TSPEAR: variants seen among roughly 807,000 people sequenced by gnomAD.
TSPEAR encodes thrombospondin-type laminin G domain and EAR repeat-containing protein.
TSPEAR carries 69 observed loss-of-function variants against 71.6 expected under a neutral mutation model. The observed-to-expected ratio is 0.96, with a 90% CI of 0.79 to 1.18. TSPEAR has a LOEUF of 1.18. Ranked by LOEUF, TSPEAR falls within the 50% of genes most tolerant of loss-of-function variation. The pLI is 0.00. For missense variants in TSPEAR, 971 were observed against 894.9 expected (o/e 1.09, Z -1.09); for synonymous variants, 402 against 387.2 (o/e 1.04, Z -0.45).
At chr21:44,575,237 A>G (rs1157988514) in intron 1 of TSPEAR, 3 of 592,324 alleles carry the variant, frequency 5.1e-6, no homozygotes, top group Non-Finnish European at 9.2e-6. Flanking sequence ...CCTCCCCTCC[A>G]TATCTCCCAC....
chr21:44,647,031 T>C (rs782307682), intron 1 of TSPEAR: 12 of 1,613,054 alleles, frequency 7.4e-6, no homozygotes, highest in East Asian at 2.2e-5. Context: ...GCTGCGTGCC[T>C]GTCTGCTGCA....
chr21:44,627,582 G>C lies in TSPEAR; in HGVS notation c.83-59577C>G, dbSNP rs782791378. 3 of 1,613,268 alleles carry C rather than the reference G, an allele frequency of 1.9e-6. No individual in the cohort carries two copies. The highest frequency in any genetic ancestry group is 1.7e-6 in the Non-Finnish European group (2 of 1,179,808). On this transcript the variant is annotated intron_variant, in intron 1 of 11. Coordinates refer to ENST00000323084, the MANE Select transcript of TSPEAR (RefSeq NM_144991.3). ...CTTGCTGTGCCTCTTCCTCCTGCCA[G>C]CCGGCCTGCTGTGTGCCCGTCTGCT...
At chr21:44,689,460 C>T (rs903849549) in intron 1 of TSPEAR, among the ~76,000 whole-genome samples, 1 of 150,932 alleles carries the variant, frequency 6.6e-6, no homozygotes, top group African/African-American at 2.4e-5. Flanking sequence ...TGAGATCATG[C>T]CACTGCACTC....
chr21:44,580,634 T>A (rs1601443059), intron 1 of TSPEAR: 1 of 1,529,798 alleles, frequency 6.5e-7, no homozygotes, highest in East Asian at 2.3e-5. Flanking sequence ...TGAGTGAGTG[T>A]GTGAGTGAGT....
chr21:44,526,373 C>T (rs1326783192), intron 7 of TSPEAR, among the ~76,000 whole-genome samples: 8 of 152,262 alleles, frequency 5.3e-5, no homozygotes, highest in African/African-American at 7.2e-5. Flanking sequence ...CATGAACCTA[C>T]GTACTTGCTT....
At chr21:44,527,255 G>C (rs1467890412) in intron 7 of TSPEAR, 37 bp downstream of exon 7, 1 of 1,610,658 alleles carries the variant, frequency 6.2e-7, no homozygotes, top group African/African-American at 1.3e-5. Context: ...CTTTCCAAGA[G>C]AAAGGGGATG....
chr21:44,504,240 G>C (rs2052133196), intron 11 of TSPEAR, among the ~76,000 whole-genome samples: 1 of 144,158 alleles, frequency 6.9e-6, no homozygotes, highest in African/African-American at 2.6e-5. Flanking sequence ...TGAGCCCTCG[G>C]GGGGTAGCTG....
chr21:44,562,564 C>T (rs2053652147), intron 2 of TSPEAR, among the ~76,000 whole-genome samples: 1 of 152,050 alleles, frequency 6.6e-6, no homozygotes, highest in Non-Finnish European at 1.5e-5. Context: ...CGCAAACAGA[C>T]ATATCATAGT....
intron 1 of TSPEAR, among the ~76,000 whole-genome samples, chr21:44,592,818 T>C (rs366534): frequency 0.11 from 17,131 of 151,718 alleles, 1,489 homozygotes; most frequent in African/African-American, 0.23. Flanking sequence ...GGACACAGAG[T>C]CCCTCTGCAG....
intron 7 of TSPEAR, among the ~76,000 whole-genome samples, chr21:44,526,867 C>G (rs1467038618): frequency 1.3e-5 from 2 of 152,238 alleles, no homozygotes; most frequent in African/African-American, 4.8e-5. Flanking sequence ...ACCCATGGCT[C>G]CCCTGAGCCT....
At chr21:44,531,267 C>G (rs1036721246) in intron 3 of TSPEAR, 134 bp from the exon 4 acceptor site, 2 of 680,784 alleles carry the variant, frequency 2.9e-6, no homozygotes, top group Non-Finnish European at 5.0e-6. Context: ...GGATGGCACA[C>G]AGGGCTGATC....
intron 1 of TSPEAR, among the ~76,000 whole-genome samples, chr21:44,684,275 C>T (rs782586370): frequency 1.3e-5 from 2 of 152,204 alleles, no homozygotes; most frequent in African/African-American, 2.4e-5. Context: ...GTGGTTCACA[C>T]CTCTAATCCC....
At chr21:44,526,718 A>C (rs2052863176) in intron 7 of TSPEAR, among the ~76,000 whole-genome samples, 1 of 152,182 alleles carries the variant, frequency 6.6e-6, no homozygotes, top group Admixed American at 6.5e-5. Context: ...GGCTGTGTAG[A>C]GTCCAGGGAG....
intron 1 of TSPEAR, chr21:44,637,863 C>T (rs1983740452): frequency 1.3e-6 from 2 of 1,531,796 alleles, no homozygotes; most frequent in African/African-American, 2.7e-5. Flanking sequence ...TGCTGTGTGC[C>T]TGTCTGCTCT....
Position 44,675,925 on chromosome 21 carries a change from G to A in TSPEAR, c.82+35508C>T, listed in dbSNP as rs1332702282. 2 of 789,534 alleles carry A rather than the reference G, an allele frequency of 2.5e-6. 1 individual carries two copies. The highest frequency in any genetic ancestry group is 3.4e-5 in the African/African-American group (2 of 59,238). The allele number at this position is 789,534 out of a possible 1,614,324, so 48.9% of individuals were successfully genotyped here. A position where few individuals can be genotyped will look rare whatever the true frequency, so the allele number is the denominator to read the frequency against. ...CTACGGCGCTGGCATATGCTGTCAG[G>A]ATTTCCATTATCTGTTTCGTTTCTA... is the stretch of plus-strand genomic sequence containing the variant. On this transcript the variant is annotated intron_variant, in intron 1 of 11. Coordinates refer to ENST00000323084, the MANE Select transcript of TSPEAR (RefSeq NM_144991.3).
At chr21:44,564,628 A>T (rs1481528411) in intron 2 of TSPEAR, among the ~76,000 whole-genome samples, 1 of 152,208 alleles carries the variant, frequency 6.6e-6, no homozygotes, top group Non-Finnish European at 1.5e-5. Context: ...GCACCAAAAT[A>T]CATGAAGCAA....
intron 8 of TSPEAR, among the ~76,000 whole-genome samples, chr21:44,524,212 CCAT>C (rs2052799156): frequency 1.3e-5 from 2 of 149,706 alleles, no homozygotes; most frequent in South Asian, 4.3e-4. Context: ...GGTAGTCACT[CCAT>C]CAGTCAGTCA....
chr21:44,529,482 A>T (rs1259495119), intron 5 of TSPEAR, among the ~76,000 whole-genome samples: 15 of 152,224 alleles, frequency 9.9e-5, no homozygotes, highest in Admixed American at 7.8e-4. Context: ...GATGTCAGAT[A>T]GCTCTGGACA....
intron 1 of TSPEAR, among the ~76,000 whole-genome samples, chr21:44,708,886 G>A (rs917025820): frequency 6.6e-6 from 1 of 152,230 alleles, no homozygotes; most frequent in African/African-American, 2.4e-5. Flanking sequence ...GTGGGGGCAC[G>A]GCCTTTCCTG....
Sources: allele counts gnomAD v4.1 joint callset (sites outside exome capture counted in the v4.1 genomes callset), GRCh38; gene constraint gnomAD v4.1.1; transcripts MANE v1.5; gene names NCBI Gene and HGNC (gene_info 2026-07-23, HGNC 2026-07-21).